The following RANBP2 variants were observed in gnomAD, a reference collection of about 807,000 sequenced individuals.
The protein encoded by RANBP2 is RAN binding protein 2, also known as E3 SUMO-protein ligase RanBP2.
RANBP2 carries 57 observed loss-of-function variants against 303.6 expected under a neutral mutation model. That is an observed-to-expected ratio of 0.19 (90% CI 0.15 to 0.23). The LOEUF (loss-of-function observed/expected upper bound fraction) is 0.23. Ranked by LOEUF, RANBP2 falls within the 10% of genes least tolerant of loss-of-function variation. The pLI, the probability that RANBP2 is intolerant of heterozygous loss-of-function variation, is 1.00. For missense variants in RANBP2, 3,138 were observed against 3,780.8 expected, an observed-to-expected ratio of 0.83 and a Z score of 4.46; for synonymous variants, 1,167 against 1,301.5, an observed-to-expected ratio of 0.90 and a Z score of 2.23.
At chr2:109,100,421 A>G in the RANBP2 span, among the ~76,000 whole-genome samples, 1 of 152,308 alleles carries the variant, frequency 6.6e-6, no homozygotes, top group Middle Eastern at 3.4e-3. Flanking sequence ...TTTCATCCTG[A>G]AACAATCCCC....
the RANBP2 span, among the ~76,000 whole-genome samples, chr2:108,890,114 G>T: frequency 7.5e-6 from 1 of 133,188 alleles, no homozygotes; most frequent in Non-Finnish European, 1.6e-5. Flanking sequence ...GCTGGATATA[G>T]TATTCTTGGC....
At chr2:109,577,565 C>T in the RANBP2 span, among the ~76,000 whole-genome samples, 2 of 150,192 alleles carry the variant, frequency 1.3e-5, no homozygotes, top group African/African-American at 2.5e-5. Context: ...GCATTCTAGC[C>T]TCAGTGACAG....
intron 17 of RANBP2, among the ~76,000 whole-genome samples, chr2:108,755,651 C>T (rs1424830719): frequency 6.6e-6 from 1 of 152,070 alleles, no homozygotes; most frequent in Non-Finnish European, 1.5e-5. Flanking sequence ...CTTCAGCCTC[C>T]CAAAGTGCTG....
intron 7 of RANBP2, among the ~76,000 whole-genome samples, chr2:108,741,362 A>C (rs1331402113): frequency 2.0e-5 from 3 of 150,092 alleles, no homozygotes; most frequent in African/African-American, 7.4e-5. Flanking sequence ...ACACCCAGCT[A>C]ATTTTTTGTA....
At chr2:109,554,523 C>T in the RANBP2 span, among the ~76,000 whole-genome samples, 1 of 152,158 alleles carries the variant, frequency 6.6e-6, no homozygotes, top group African/African-American at 2.4e-5. Context: ...CACACCACCC[C>T]CACCCAACTC....
chr2:109,334,322 G>A, the RANBP2 span, among the ~76,000 whole-genome samples: 6 of 140,394 alleles, frequency 4.3e-5, no homozygotes, highest in East Asian at 1.3e-3. Flanking sequence ...CACACCACTC[G>A]ACTTCAGATT....
chr2:109,023,236 C>G, the RANBP2 span, among the ~76,000 whole-genome samples: 1 of 152,116 alleles, frequency 6.6e-6, no homozygotes, highest in African/African-American at 2.4e-5. Flanking sequence ...ACAGAGGTGC[C>G]CTGTGGACGC....
At chr2:109,302,840 G>A in the RANBP2 span, among the ~76,000 whole-genome samples, 1 of 152,178 alleles carries the variant, frequency 6.6e-6, no homozygotes, top group African/African-American at 2.4e-5. Flanking sequence ...CTCTACATCT[G>A]AACATGAGAT....
At chr2:109,455,484 G>A in the RANBP2 span, among the ~76,000 whole-genome samples, 3 of 152,088 alleles carry the variant, frequency 2.0e-5, no homozygotes, top group Non-Finnish European at 4.4e-5. Context: ...ACACATGTGT[G>A]CACCCACCCA....
At chr2:109,228,207 G>A in the RANBP2 span, among the ~76,000 whole-genome samples, 9 of 152,062 alleles carry the variant, frequency 5.9e-5, no homozygotes, top group African/African-American at 1.9e-4. Flanking sequence ...AAATTCAATC[G>A]GCAGCCCTCC....
the RANBP2 span, among the ~76,000 whole-genome samples, chr2:109,354,209 GTGTGGCTGACC>G: frequency 6.6e-6 from 1 of 152,182 alleles, no homozygotes; most frequent in Non-Finnish European, 1.5e-5. Flanking sequence ...GGCCCTGTGT[GTGTGGCTGACC>G]TGTGTGCCGC....
chr2:109,153,613 G>A, the RANBP2 span, among the ~76,000 whole-genome samples: 2 of 152,228 alleles, frequency 1.3e-5, no homozygotes, highest in African/African-American at 4.8e-5. Flanking sequence ...GGAAGCTGCC[G>A]CTGTGAAAGA....
the RANBP2 span, among the ~76,000 whole-genome samples, chr2:109,184,109 C>T: frequency 1.3e-5 from 2 of 152,334 alleles, 1 homozygote; most frequent in South Asian, 4.1e-4. Flanking sequence ...GTTCCATGTG[C>T]TTCGTAGTCT....
At chr2:108,870,473 T>C in the RANBP2 span, among the ~76,000 whole-genome samples, 1 of 151,942 alleles carries the variant, frequency 6.6e-6, no homozygotes, top group Non-Finnish European at 1.5e-5. Context: ...CTTATCAAAT[T>C]TGAGGAAAGA....
the RANBP2 span, among the ~76,000 whole-genome samples, chr2:109,111,769 C>T: frequency 6.8e-6 from 1 of 147,828 alleles, no homozygotes; most frequent in African/African-American, 2.5e-5. Flanking sequence ...TCTCCTAATG[C>T]TATCCCTCCC....
the RANBP2 span, among the ~76,000 whole-genome samples, chr2:109,712,408 C>T: frequency 6.6e-6 from 1 of 152,118 alleles, no homozygotes; most frequent in East Asian, 1.9e-4. Flanking sequence ...CTTCCTGGGC[C>T]TTTTCCACTA....
the RANBP2 span, among the ~76,000 whole-genome samples, chr2:109,335,487 C>A: frequency 1.3e-5 from 2 of 152,204 alleles, no homozygotes; most frequent in African/African-American, 4.8e-5. Context: ...CTAGCCCTCG[C>A]TCATCCACGT....
the RANBP2 span, among the ~76,000 whole-genome samples, chr2:109,468,413 G>T: frequency 6.6e-6 from 1 of 152,170 alleles, no homozygotes; most frequent in Non-Finnish European, 1.5e-5. Context: ...CATCTTATAA[G>T]ACCCCCATTG....
the RANBP2 span, among the ~76,000 whole-genome samples, chr2:108,979,972 T>C: frequency 9.2e-3 from 1,342 of 146,560 alleles, 12 homozygotes; most frequent in Non-Finnish European, 0.016. Flanking sequence ...GTGAGTCTCC[T>C]GGCCTCTGCT....
Sources: gnomAD v4.1 joint callset for allele counts (sites outside exome capture counted in the v4.1 genomes callset) on GRCh38, gnomAD v4.1.1 for gene constraint, MANE v1.5 for transcripts, NCBI Gene and HGNC (gene_info 2026-07-23, HGNC 2026-07-21) for gene names.